The following PUM1 variants were observed in gnomAD, a reference collection of about 807,000 sequenced individuals.
PUM1 encodes pumilio RNA binding family member 1.
A neutral mutation model predicts 131.8 loss-of-function variants in PUM1; 13 were observed. The observed-to-expected ratio is 0.10, with a 90% CI of 0.06 to 0.16. PUM1 has a LOEUF of 0.16. Ranked by LOEUF, PUM1 falls within the 10% of genes least tolerant of loss-of-function variation. The pLI is 1.00. For synonymous variants in PUM1, 509 were observed against 556.5 expected, an observed-to-expected ratio of 0.91 and a Z score of 1.20; for missense variants, 961 against 1,512.4, an observed-to-expected ratio of 0.64 and a Z score of 6.05.
At chr1:30,939,208 CTA>C (rs988470957) in intron 20 of PUM1, among the ~76,000 whole-genome samples, 10 of 152,184 alleles carry the variant, frequency 6.6e-5, no homozygotes, top group Admixed American at 3.3e-4. Context: ...CAGACTTCTG[CTA>C]TGTTCCACCA....
intron 9 of PUM1, among the ~76,000 whole-genome samples, chr1:30,975,980 C>T (rs1413105126): frequency 6.6e-6 from 1 of 150,976 alleles, no homozygotes; most frequent in African/African-American, 2.4e-5. Context: ...CCCAGCTACT[C>T]GGAAGGCTGA....
chr1:31,008,575 T>C (rs1224826860), intron 3 of PUM1, among the ~76,000 whole-genome samples: 6 of 151,896 alleles, frequency 4.0e-5, no homozygotes, highest in Admixed American at 1.3e-4. Context: ...AGCATTAGGG[T>C]CGGGAAGCAC....
intron 17 of PUM1, chr1:30,949,025 C>A: frequency 2.2e-6 from 1 of 453,888 alleles, no homozygotes. Flanking sequence ...ACTTTAAAAA[C>A]TTTGGACTTC....
In PUM1 at chr1:30,966,121, G is replaced by C. The variant is rs745551919; in HGVS notation, c.1947C>G (p.Asn649Lys). The C allele has an allele frequency of 1.2e-6, 2 of 1,614,160 alleles. No individual in the cohort carries two copies. Among genetic ancestry groups the C allele is most frequent in the Non-Finnish European group, 8.5e-7 (1 of 1,180,024 alleles). Reference protein sequence around the residue: ...NLASSSFYGNNSLNSNSQSSS... With the variant: ...NLASSSFYGNKSLNSNSQSSS... ...TGCTCTGTGAATTGCTGTTCAGAGA[G>C]TTGTTGCCGTAGAAAGAACTGGATG... Residue 649 changes from asparagine (N) to lysine (K), a missense_variant, in exon 13 of 22, where the codon AAC becomes AAG. Around this residue, in one of 4 missense-constraint regions of PUM1, gnomAD observed 654 missense variants for 923.9 expected, o/e 0.71. Coordinates refer to ENST00000426105, the MANE Select transcript of PUM1 (RefSeq NM_001020658.2).
intron 7 of PUM1, among the ~76,000 whole-genome samples, chr1:30,989,623 T>C: frequency 6.9e-6 from 1 of 145,708 alleles, no homozygotes; most frequent in East Asian, 2.1e-4. Context: ...CACAAAGTCC[T>C]TCCCTTCCCA....
intron 7 of PUM1, among the ~76,000 whole-genome samples, chr1:30,986,525 C>T (rs932117655): frequency 1.4e-4 from 21 of 151,732 alleles, no homozygotes; most frequent in Middle Eastern, 6.8e-3. Flanking sequence ...TTCGTAGGCG[C>T]ATACAAATTA....
At chr1:30,933,957 G>A (rs887986964) in intron 21 of PUM1, among the ~76,000 whole-genome samples, 19 of 152,204 alleles carry the variant, frequency 1.2e-4, no homozygotes, top group Non-Finnish European at 2.4e-4. Context: ...ACTCAGCCAA[G>A]GTTGAATGGC....
At position 30,966,130 on chromosome 1, in the gene PUM1, G is replaced by A. The variant is rs775083089; in HGVS notation, c.1938C>T (p.Tyr646=). The change falls in exon 13 of 22, where the codon TAC becomes TAT. Residue 646 remains tyrosine (Y), a synonymous_variant. Coordinates refer to ENST00000426105, the MANE Select transcript of PUM1 (RefSeq NM_001020658.2). ...PNNNLASSSF[Y]GNNSLNSNSQ... ...AATTGCTGTTCAGAGAGTTGTTGCC[G>A]TAGAAAGAACTGGATGCCAGGTTGT... is the stretch of plus-strand genomic sequence containing the variant. The A allele has an allele frequency of 1.5e-5, 25 of 1,614,010 alleles. No individual in the cohort carries two copies. Among genetic ancestry groups the A allele is most frequent in the East Asian group, 4.5e-5 (2 of 44,890 alleles).
intron 5 of PUM1, among the ~76,000 whole-genome samples, chr1:31,000,658 C>T (rs1418880640): frequency 2.6e-5 from 4 of 152,206 alleles, no homozygotes; most frequent in Non-Finnish European, 4.4e-5. Flanking sequence ...GAAAGCTTCA[C>T]ACAGCAGAAG....
intron 2 of PUM1, among the ~76,000 whole-genome samples, chr1:31,051,302 ATTTT>A (rs35765126): frequency 7.1e-6 from 1 of 140,864 alleles, no homozygotes. Context: ...CATCCACTGA[ATTTT>A]TTTTTTTTTT....
At chr1:31,056,849 A>G (rs1324719271) in intron 2 of PUM1, among the ~76,000 whole-genome samples, 1 of 151,770 alleles carries the variant, frequency 6.6e-6, no homozygotes, top group African/African-American at 2.4e-5. Context: ...CTGGAGTGCA[A>G]TGGCAAGATC....
intron 9 of PUM1, among the ~76,000 whole-genome samples, chr1:30,976,030 G>C (rs1570179176): frequency 6.6e-6 from 1 of 150,910 alleles, no homozygotes. Flanking sequence ...AGAGGTTACA[G>C]TGAGCCAAGA....
intron 16 of PUM1, among the ~76,000 whole-genome samples, chr1:30,951,104 G>A (rs1445024630): frequency 1.3e-5 from 2 of 152,122 alleles, no homozygotes; most frequent in Admixed American, 1.3e-4. Flanking sequence ...GAGATTGGAG[G>A]AGACTTTATG....
intron 2 of PUM1, among the ~76,000 whole-genome samples, chr1:31,052,358 ATG>A (rs1228233654): frequency 1.3e-5 from 2 of 152,008 alleles, no homozygotes; most frequent in Non-Finnish European, 2.9e-5. Context: ...GGGTGGGAAG[ATG>A]TGTCTAGTGT....
At chr1:31,025,545 C>CTTTTTTTTTTTTTT (rs35510099) in intron 3 of PUM1, among the ~76,000 whole-genome samples, 1 of 88,822 alleles carries the variant, frequency 1.1e-5, no homozygotes, top group Non-Finnish European at 2.0e-5. Flanking sequence ...TGTTTTTTGT[C>CTTTTTTTTTTTTTT]TTTTTTTTTT....
intron 3 of PUM1, among the ~76,000 whole-genome samples, chr1:31,015,737 G>A (rs1040557174): frequency 2.7e-5 from 4 of 146,028 alleles, no homozygotes; most frequent in South Asian, 2.2e-4. Context: ...GCAATGATGC[G>A]ATCTCAGCTC....
At chr1:30,982,384 G>A (rs1483309742) in intron 7 of PUM1, among the ~76,000 whole-genome samples, 1 of 152,178 alleles carries the variant, frequency 6.6e-6, no homozygotes, top group African/African-American at 2.4e-5. Context: ...AGTATGAATA[G>A]TATTGGTATA....
chr1:30,957,725 T>C lies in PUM1; in HGVS notation c.2324-3744A>G, dbSNP rs548831591. ...AATGTTATCATTTACTTGCTTTTTG[T>C]ACTCATAGATCTAATAGATGCCTAA... On this transcript the variant is annotated intron_variant, in intron 14 of 21. Coordinates refer to ENST00000426105, the MANE Select transcript of PUM1 (RefSeq NM_001020658.2). 2.0e-5 allele frequency among the ~76,000 whole-genome samples: 3 copies of C among 152,376 alleles called. No homozygotes were observed. The South Asian group carries it at 6.2e-4, about 32-fold the overall frequency.
intron 5 of PUM1, among the ~76,000 whole-genome samples, chr1:31,001,815 C>CTCTAAT (rs1642226542): frequency 6.6e-6 from 1 of 152,174 alleles, no homozygotes; most frequent in Non-Finnish European, 1.5e-5. Context: ...ACTTTTAAGG[C>CTCTAAT]TCTAATCATT....
Sources: allele counts gnomAD v4.1 joint callset (sites outside exome capture counted in the v4.1 genomes callset), GRCh38; gene constraint gnomAD v4.1.1; regional missense constraint gnomAD v4.1.1; transcripts MANE v1.5; gene names NCBI Gene and HGNC (gene_info 2026-07-23, HGNC 2026-07-21).